PLCL1: variants seen among roughly 807,000 people sequenced by gnomAD.
The protein encoded by PLCL1 is inactive phospholipase C-like protein 1.
In PLCL1, 41 loss-of-function variants were observed where a neutral mutation model predicts 84.4. The ratio of observed to expected loss-of-function variants is 0.49; its 90% CI spans 0.38 to 0.63. The LOEUF (loss-of-function observed/expected upper bound fraction) is 0.63, where lower values mean the gene tolerates loss of function less well. Ranked by LOEUF, PLCL1 falls within the 30% of genes least tolerant of loss-of-function variation. PLCL1 has a pLI of 0.00. For missense variants in PLCL1, 1,206 were observed against 1,367.8 expected, an observed-to-expected ratio of 0.88 and a Z score of 1.87; for synonymous variants, 490 against 488.3, an observed-to-expected ratio of 1.00 and a Z score of -0.05.
chr2:197,926,844 G>T (rs1056700185), intron 1 of PLCL1, among the ~76,000 whole-genome samples: 1 of 152,042 alleles, frequency 6.6e-6, no homozygotes, highest in African/African-American at 2.4e-5. Flanking sequence ...TACTCGTTTG[G>T]GTTTGGCATG....
chr2:197,913,173 A>G (rs1002884381), intron 1 of PLCL1, among the ~76,000 whole-genome samples: 1 of 152,330 alleles, frequency 6.6e-6, no homozygotes, highest in Middle Eastern at 3.4e-3. Context: ...CTGGAGGCAG[A>G]AGTCACTTTT....
chr2:198,116,108 G>C (rs898253491), intron 5 of PLCL1, among the ~76,000 whole-genome samples: 1 of 150,728 alleles, frequency 6.6e-6, no homozygotes, highest in Non-Finnish European at 1.5e-5. Flanking sequence ...GAATAATTTA[G>C]GTTAAGCATA....
At chr2:197,870,972 A>G (rs1409185629) in intron 1 of PLCL1, among the ~76,000 whole-genome samples, 4 of 151,948 alleles carry the variant, frequency 2.6e-5, no homozygotes, top group African/African-American at 4.8e-5. Flanking sequence ...TCGGGAGAGG[A>G]GCTGTTTTTC....
intron 1 of PLCL1, among the ~76,000 whole-genome samples, chr2:197,942,291 T>A (rs1518367): frequency 0.71 from 108,369 of 151,878 alleles, 39,496 homozygotes; most frequent in African/African-American, 0.86. Flanking sequence ...TTAACTTTTT[T>A]AAAAAATTGC....
intron 1 of PLCL1, among the ~76,000 whole-genome samples, chr2:198,019,654 T>G (rs982233282): frequency 2.6e-5 from 4 of 152,028 alleles, no homozygotes; most frequent in African/African-American, 9.7e-5. Context: ...AAGATCAACT[T>G]AATGAAATAA....
At chr2:197,968,727 T>C (rs1689797970) in intron 1 of PLCL1, among the ~76,000 whole-genome samples, 1 of 152,218 alleles carries the variant, frequency 6.6e-6, no homozygotes, top group Admixed American at 6.5e-5. Flanking sequence ...AAAATTGTTC[T>C]TCTGGAGACT....
chr2:198,035,139 C>T (rs1225810935), intron 1 of PLCL1, among the ~76,000 whole-genome samples: 2 of 152,094 alleles, frequency 1.3e-5, no homozygotes, highest in Non-Finnish European at 2.9e-5. Context: ...ATAAATATAT[C>T]TATTAGTGTT....
intron 1 of PLCL1, among the ~76,000 whole-genome samples, chr2:197,808,795 A>G (rs1458555883): frequency 6.6e-6 from 1 of 152,246 alleles, no homozygotes; most frequent in Non-Finnish European, 1.5e-5. Flanking sequence ...TAAAAATAGC[A>G]GTTGATTTTT....
At chr2:197,896,580 A>G (rs577694012) in intron 1 of PLCL1, among the ~76,000 whole-genome samples, 3 of 152,172 alleles carry the variant, frequency 2.0e-5, no homozygotes, top group Non-Finnish European at 2.9e-5. Context: ...GCTATTTTAT[A>G]TGGTAGATGT....
intron 1 of PLCL1, among the ~76,000 whole-genome samples, chr2:197,951,129 A>ATGGTCCATGATTAAGTTTGGTGG (rs1403397639): frequency 2.6e-5 from 4 of 152,168 alleles, no homozygotes; most frequent in Non-Finnish European, 5.9e-5. Flanking sequence ...TATAGAACTT[A>ATGGTCCATGATTAAGTTTGGTGG]TGGTCCATGA....
chr2:198,133,430 G>A (rs1309733377), intron 5 of PLCL1, among the ~76,000 whole-genome samples: 2 of 150,370 alleles, frequency 1.3e-5, no homozygotes, highest in Non-Finnish European at 3.0e-5. Flanking sequence ...AAGGCTAGAT[G>A]ACGAGTTAGT....
chr2:197,810,062 C>A (rs1184475133), intron 1 of PLCL1, among the ~76,000 whole-genome samples: 1 of 151,790 alleles, frequency 6.6e-6, no homozygotes. Flanking sequence ...TTTACTTTAC[C>A]GTAAGGGTTG....
At chr2:197,850,983 T>C (rs1185935335) in intron 1 of PLCL1, among the ~76,000 whole-genome samples, 2 of 152,208 alleles carry the variant, frequency 1.3e-5, no homozygotes, top group African/African-American at 4.8e-5. Context: ...GATTTGCCTT[T>C]CCTAAGGAAG....
chr2:197,955,973 C>A (rs1163789571), intron 1 of PLCL1, among the ~76,000 whole-genome samples: 1 of 151,754 alleles, frequency 6.6e-6, no homozygotes, highest in Admixed American at 6.6e-5. Flanking sequence ...CTCCCCTTGC[C>A]CCCCATCCTC....
At chr2:197,816,502 T>C (rs1423444908) in intron 1 of PLCL1, among the ~76,000 whole-genome samples, 1 of 152,138 alleles carries the variant, frequency 6.6e-6, no homozygotes, top group Non-Finnish European at 1.5e-5. Flanking sequence ...ATCTCTGAGG[T>C]ATGCCTGTTT....
chr2:198,048,816 C>T (rs901204773), intron 1 of PLCL1, among the ~76,000 whole-genome samples: 6 of 152,210 alleles, frequency 3.9e-5, no homozygotes, highest in African/African-American at 1.4e-4. Context: ...ACCATATTCA[C>T]CTCCTAGCGG....
At chr2:197,845,191 T>C (rs187788607) in intron 1 of PLCL1, among the ~76,000 whole-genome samples, 97 of 152,212 alleles carry the variant, frequency 6.4e-4, no homozygotes, top group African/African-American at 2.2e-3. Flanking sequence ...TCTGAATTCT[T>C]ACCTTTGAGG....
chr2:197,852,834 T>C (rs1199399665), intron 1 of PLCL1, among the ~76,000 whole-genome samples: 1 of 152,168 alleles, frequency 6.6e-6, no homozygotes, highest in Non-Finnish European at 1.5e-5. Flanking sequence ...ATAATATGTA[T>C]CTATGTCTGT....
intron 1 of PLCL1, chr2:198,001,848 G>A (rs1690607570): frequency 1.0e-5 from 2 of 195,638 alleles, no homozygotes; most frequent in Non-Finnish European, 1.1e-5. Context: ...TCTCATAGGA[G>A]CGCGAAACCC....
Sources: allele counts gnomAD v4.1 joint callset (sites outside exome capture counted in the v4.1 genomes callset), GRCh38; gene constraint gnomAD v4.1.1; transcripts MANE v1.5; gene names NCBI Gene and HGNC (gene_info 2026-07-23, HGNC 2026-07-21).